Variants in NALF1 observed in about 807,000 individuals in gnomAD.
NALF1 encodes NALCN channel auxiliary factor 1, also known as family with sequence similarity 155 member A.
NALF1 carries 3 observed loss-of-function variants against 48.4 expected under a neutral mutation model. The ratio of observed to expected loss-of-function variants is 0.06; its 90% CI spans 0.03 to 0.16. The LOEUF (loss-of-function observed/expected upper bound fraction) is 0.16. NALF1 is among the 10% of genes least tolerant of loss of function. NALF1 has a pLI of 1.00. For synonymous variants in NALF1, 262 were observed against 245.7 expected, an observed-to-expected ratio of 1.07 and a Z score of -0.62; for missense variants, 526 against 571.5, an observed-to-expected ratio of 0.92 and a Z score of 0.81.
intron 1 of NALF1, among the ~76,000 whole-genome samples, chr13:107,780,160 T>C (rs949724747): frequency 1.2e-4 from 19 of 152,202 alleles, no homozygotes; most frequent in African/African-American, 4.6e-4. Context: ...TTACTGCCCT[T>C]AGATTTAAAA....
At chr13:107,418,106 G>T (rs1237850689) in intron 1 of NALF1, among the ~76,000 whole-genome samples, 1 of 152,072 alleles carries the variant, frequency 6.6e-6, no homozygotes, top group Non-Finnish European at 1.5e-5. Context: ...TTAAATAGAA[G>T]ACATTTTTCT....
chr13:107,782,724 G>A (rs1369265667), intron 1 of NALF1, among the ~76,000 whole-genome samples: 1 of 149,940 alleles, frequency 6.7e-6, no homozygotes. Context: ...GGGATGTGAG[G>A]AGCGCCTCTG....
chr13:107,435,209 C>T (rs543177187), intron 1 of NALF1, among the ~76,000 whole-genome samples: 90 of 152,116 alleles, frequency 5.9e-4, no homozygotes, highest in African/African-American at 2.0e-3. Flanking sequence ...ACAAAATAGG[C>T]ATGTTCCTAT....
intron 2 of NALF1, among the ~76,000 whole-genome samples, chr13:107,175,334 C>G (rs546138344): frequency 6.6e-6 from 1 of 152,140 alleles, no homozygotes; most frequent in Admixed American, 6.5e-5. Context: ...TTATTTTGCT[C>G]TTTCTTCCAT....
intron 1 of NALF1, among the ~76,000 whole-genome samples, chr13:107,435,433 T>A (rs1884448490): frequency 6.6e-6 from 1 of 152,212 alleles, no homozygotes; most frequent in African/African-American, 2.4e-5. Context: ...ACAGCTGTTT[T>A]GGCTGTTTCA....
intron 1 of NALF1, among the ~76,000 whole-genome samples, chr13:107,215,574 G>A (rs1047470953): frequency 1.3e-5 from 2 of 152,140 alleles, no homozygotes; most frequent in Admixed American, 1.3e-4. Flanking sequence ...GGAGTACTTT[G>A]CTTCCTGATT....
intron 1 of NALF1, among the ~76,000 whole-genome samples, chr13:107,727,338 C>G (rs901490529): frequency 2.0e-5 from 3 of 152,062 alleles, no homozygotes; most frequent in Admixed American, 1.3e-4. Flanking sequence ...TTGAGTTATT[C>G]CCAAAAAGTC....
intron 1 of NALF1, among the ~76,000 whole-genome samples, chr13:107,349,949 G>T (rs1381465217): frequency 6.6e-6 from 1 of 152,032 alleles, no homozygotes; most frequent in Non-Finnish European, 1.5e-5. Flanking sequence ...GATGGTTTTG[G>T]AATGAAACTG....
chr13:107,726,306 G>A (rs1876148055), intron 1 of NALF1, among the ~76,000 whole-genome samples: 1 of 152,168 alleles, frequency 6.6e-6, no homozygotes, highest in African/African-American at 2.4e-5. Context: ...GAAACAAGAT[G>A]AAGTGGGACT....
At chr13:107,329,176 T>C (rs777445098) in intron 1 of NALF1, among the ~76,000 whole-genome samples, 3 of 152,192 alleles carry the variant, frequency 2.0e-5, no homozygotes, top group Non-Finnish European at 4.4e-5. Flanking sequence ...CCTTAACACA[T>C]TGCTTTAAAC....
intron 1 of NALF1, among the ~76,000 whole-genome samples, chr13:107,611,687 T>C (rs756068455): frequency 2.0e-5 from 3 of 150,774 alleles, no homozygotes; most frequent in Middle Eastern, 3.4e-3. Context: ...TCAAGACCAG[T>C]CTGGGCAAAA....
chr13:107,704,349 A>G (rs4267181), intron 1 of NALF1, among the ~76,000 whole-genome samples: 146,103 of 152,220 alleles, frequency 0.96, 70,367 homozygotes, highest in Non-Finnish European at 1. Context: ...ATTCTGAATC[A>G]TTAGATCTAA....
intron 1 of NALF1, among the ~76,000 whole-genome samples, chr13:107,279,043 C>CTTTTTTTTTTTTTTTTTTTTTTTT (rs200133690): frequency 8.1e-6 from 1 of 122,940 alleles, no homozygotes; most frequent in Non-Finnish European, 1.6e-5. Flanking sequence ...TTCTTTTCTT[C>CTTTTTTTTTTTTTTTTTTTTTTTT]TTTTTTTTTT....
intron 1 of NALF1, among the ~76,000 whole-genome samples, chr13:107,627,739 A>G (rs1879717982): frequency 6.6e-6 from 1 of 152,118 alleles, no homozygotes; most frequent in Non-Finnish European, 1.5e-5. Flanking sequence ...CCCATAGGCT[A>G]TTATTAGAAA....
intron 1 of NALF1, among the ~76,000 whole-genome samples, chr13:107,280,565 C>T (rs1436498005): frequency 2.6e-5 from 4 of 152,188 alleles, no homozygotes; most frequent in African/African-American, 4.8e-5. Flanking sequence ...GAAGGTCCCA[C>T]CACACTATAA....
intron 1 of NALF1, among the ~76,000 whole-genome samples, chr13:107,842,687 A>G (rs1178167108): frequency 6.6e-6 from 1 of 151,806 alleles, no homozygotes; most frequent in East Asian, 1.9e-4. Flanking sequence ...GACCTGCCAT[A>G]AAGAAAGTAA....
intron 1 of NALF1, among the ~76,000 whole-genome samples, chr13:107,570,437 T>C (rs1877951488): frequency 6.6e-6 from 1 of 152,012 alleles, no homozygotes; most frequent in African/African-American, 2.4e-5. Context: ...TCTGTGTAAA[T>C]TGATATGATC....
At chr13:107,595,211 A>C (rs1354280605) in intron 1 of NALF1, among the ~76,000 whole-genome samples, 2 of 152,106 alleles carry the variant, frequency 1.3e-5, no homozygotes, top group African/African-American at 4.8e-5. Flanking sequence ...GGAAATTGTC[A>C]AACCATCCAT....
chr13:107,505,518 G>C (rs1000827456), intron 1 of NALF1, among the ~76,000 whole-genome samples: 7 of 152,170 alleles, frequency 4.6e-5, no homozygotes, highest in African/African-American at 1.7e-4. Flanking sequence ...AAGGATGGCA[G>C]GATCTGCTGG....
Sources: gnomAD v4.1 joint callset for allele counts (sites outside exome capture counted in the v4.1 genomes callset) on GRCh38, gnomAD v4.1.1 for gene constraint, MANE v1.5 for transcripts, NCBI Gene and HGNC (gene_info 2026-07-23, HGNC 2026-07-21) for gene names.